Variants in TMOD3 observed in about 807,000 individuals in gnomAD.
TMOD3 encodes the protein tropomodulin 3.
TMOD3 carries 20 observed loss-of-function variants against 39.2 expected under a neutral mutation model. That is an observed-to-expected ratio of 0.51 (90% confidence interval 0.36 to 0.74). The LOEUF is 0.74. TMOD3 is among the 30% of genes least tolerant of loss of function. TMOD3 has a pLI of 0.00. For synonymous variants in TMOD3, 143 were observed against 145.8 expected (o/e 0.98, Z 0.14); for missense variants, 381 against 412.8 (o/e 0.92, Z 0.67).
chr15:51,880,871 T>C (rs1305145340), intron 3 of TMOD3, among the ~76,000 whole-genome samples: 1 of 152,134 alleles, frequency 6.6e-6, no homozygotes, highest in Admixed American at 6.5e-5. Context: ...AAGGTAACTA[T>C]TTTTTAACAA....
chr15:51,888,975 T>G, intron 4 of TMOD3, 81 bp from the exon 5 acceptor site: 9 of 852,592 alleles, frequency 1.1e-5, no homozygotes, highest in Non-Finnish European at 1.7e-5. Flanking sequence ...CCAGAGGATA[T>G]TAAAATTATT....
chr15:51,853,181 A>G (rs1436477515), intron 1 of TMOD3, among the ~76,000 whole-genome samples: 2 of 152,202 alleles, frequency 1.3e-5, no homozygotes, highest in African/African-American at 2.4e-5. Context: ...AAATAATTGG[A>G]TGATGAAATA....
At chr15:51,872,393 CAA>C (rs1257413882) in intron 3 of TMOD3, among the ~76,000 whole-genome samples, 1 of 141,884 alleles carries the variant, frequency 7.0e-6, no homozygotes, top group Non-Finnish European at 1.5e-5. Context: ...GACCCTGTCT[CAA>C]AAAAAAAAAG....
At chr15:51,872,019 T>G (rs1351014041) in intron 3 of TMOD3, among the ~76,000 whole-genome samples, 2 of 152,144 alleles carry the variant, frequency 1.3e-5, no homozygotes, top group Non-Finnish European at 2.9e-5. Context: ...TTTTTGTTAC[T>G]CAAAGAAAAT....
At chr15:51,845,113 A>C (rs553525441) in intron 1 of TMOD3, among the ~76,000 whole-genome samples, 1 of 152,226 alleles carries the variant, frequency 6.6e-6, no homozygotes, top group African/African-American at 2.4e-5. Flanking sequence ...GATTGGGTTA[A>C]ATGGTGTTTC....
At chr15:51,846,055 C>T (rs774776591) in intron 1 of TMOD3, among the ~76,000 whole-genome samples, 29 of 151,922 alleles carry the variant, frequency 1.9e-4, no homozygotes, top group Non-Finnish European at 3.5e-4. Context: ...GTGGCTCACA[C>T]CTGTTATCCC....
chr15:51,897,781 C>CA (rs35282838), intron 7 of TMOD3, among the ~76,000 whole-genome samples: 70,293 of 110,756 alleles, frequency 0.63, 20,897 homozygotes, highest in East Asian at 0.9. Context: ...CCACGCCCAG[C>CA]AAAAAAAAAA....
intron 1 of TMOD3, chr15:51,858,189 A>G (rs1185390861): frequency 6.6e-6 from 1 of 152,136 alleles, no homozygotes; most frequent in African/African-American, 2.4e-5. Context: ...AGTAGCTAGG[A>G]CTACAGGTGT....
intron 3 of TMOD3, among the ~76,000 whole-genome samples, chr15:51,886,958 T>A (rs2056567714): frequency 1.3e-5 from 2 of 152,032 alleles, no homozygotes; most frequent in Admixed American, 1.3e-4. Flanking sequence ...GTAGCTTACA[T>A]CTGTAATCCT....
chr15:51,869,449 A>C (rs1566859054), intron 3 of TMOD3, 76 bp downstream of exon 3: 2 of 1,405,076 alleles, frequency 1.4e-6, no homozygotes, highest in Admixed American at 4.3e-5. Context: ...GGAGAAAATC[A>C]TATTTTTAGA....
At chr15:51,836,269 T>A (rs1366660616) in intron 1 of TMOD3, among the ~76,000 whole-genome samples, 1 of 152,110 alleles carries the variant, frequency 6.6e-6, no homozygotes, top group Non-Finnish European at 1.5e-5. Flanking sequence ...AATAAACCCC[T>A]TACCATTAGC....
Position 51,899,795 on chromosome 15 carries a change from C to T in TMOD3, c.736-360C>T, listed in dbSNP as rs1328495233. ...ATCTGAATTTGCTGTATGCCAGGTA[C>T]TATGTTGAATCCACAAAAATGAAGT... On this transcript the variant is annotated intron_variant, in intron 7 of 9. Coordinates refer to ENST00000308580, the MANE Select transcript of TMOD3 (RefSeq NM_014547.5). 2.6e-5 allele frequency among the ~76,000 whole-genome samples: 4 copies of T among 152,080 alleles called. No individual in the cohort carries two copies. The East Asian group carries it at 7.7e-4, about 29-fold the overall frequency.
At chr15:51,872,910 T>C (rs1230067190) in intron 3 of TMOD3, among the ~76,000 whole-genome samples, 3 of 152,192 alleles carry the variant, frequency 2.0e-5, no homozygotes, top group Non-Finnish European at 4.4e-5. Context: ...CATTAATCTA[T>C]CTGATGGAAG....
chr15:51,887,590 GA>G lies in TMOD3; in HGVS notation c.289del (p.Ile97TyrfsTer23). The G allele has an allele frequency of 1.2e-6, 2 of 1,610,022 alleles. No homozygotes were observed. The highest frequency in any genetic ancestry group is 2.2e-5 in the South Asian group (2 of 89,908). On this transcript the variant is annotated frameshift_variant and splice_region_variant, in exon 4 of 10. Transcript: ENST00000308580. LOFTEE classifies it high-confidence loss of function. Reference sequence around the variant, plus strand: ...TTAACAAAATGCTTTATTTTACAGGGAAAATATTTATCCCCAAACAGAAACC... The same window carrying G: ...TTAACAAAATGCTTTATTTTACAGGGAAATATTTATCCCCAAACAGAAACC... ...YVPYTGEKKG[K>X]IFIPKQKPVQ...
chr15:51,871,285 A>G (rs1434427302), intron 3 of TMOD3, among the ~76,000 whole-genome samples: 1 of 152,186 alleles, frequency 6.6e-6, no homozygotes, highest in Non-Finnish European at 1.5e-5. Flanking sequence ...TTATTTGTCA[A>G]AGAAAACTAC....
chr15:51,875,650 C>G (rs957261953), intron 3 of TMOD3, among the ~76,000 whole-genome samples: 1 of 133,550 alleles, frequency 7.5e-6, no homozygotes, highest in Non-Finnish European at 1.5e-5. Context: ...GAGTCTTGCT[C>G]TGTCGCCCAG....
At chr15:51,885,402 A>G (rs2056555669) in intron 3 of TMOD3, among the ~76,000 whole-genome samples, 1 of 151,806 alleles carries the variant, frequency 6.6e-6, no homozygotes, top group African/African-American at 2.4e-5. Context: ...CATGTGAACA[A>G]GGGTCTCTGG....
Position 51,862,982 on chromosome 15 carries a change from A to T in TMOD3, c.98A>T (p.Glu33Val). ...TCAGAAACAGAACTGAAACAACTGGAAACTGTTTTGGATGATCTTGACCCC... is the reference window on the plus strand; with the variant it reads ...TCAGAAACAGAACTGAAACAACTGGTAACTGTTTTGGATGATCTTGACCCC... Reference protein sequence around the residue: ...NLSETELKQLETVLDDLDPEN... With the variant: ...NLSETELKQLVTVLDDLDPEN... The change falls in exon 2 of 10, where the codon GAA (glutamate) becomes GTA (valine). Residue 33 changes from glutamate to valine, a missense_variant. Physicochemically the swap from Glu to Val is moderately radical, Grantham distance 121 (BLOSUM62 -2). Coordinates refer to ENST00000308580, the MANE Select transcript of TMOD3 (RefSeq NM_014547.5). The T allele has an allele frequency of 6.2e-7, 1 of 1,613,988 alleles. No individual in the cohort carries two copies. Among genetic ancestry groups the T allele is most frequent in the Non-Finnish European group, 8.5e-7 (1 of 1,179,920 alleles).
At chr15:51,854,064 A>G (rs1398743428) in intron 1 of TMOD3, among the ~76,000 whole-genome samples, 1 of 152,154 alleles carries the variant, frequency 6.6e-6, no homozygotes, top group Non-Finnish European at 1.5e-5. Flanking sequence ...GCAGTCCGAG[A>G]TAATATAGGA....
Sources: gnomAD v4.1 joint callset for allele counts (sites outside exome capture counted in the v4.1 genomes callset) on GRCh38, gnomAD v4.1.1 for gene constraint, MANE v1.5 for transcripts, NCBI Gene and HGNC (gene_info 2026-07-23, HGNC 2026-07-21) for gene names.